Variants in ZNF711 observed in about 807,000 individuals in gnomAD.
ZNF711 encodes the protein ZFX family zinc finger ZNF711.
Under a neutral mutation model 43.5 loss-of-function variants are expected in ZNF711, and 3 were observed. The ratio of observed to expected loss-of-function variants is 0.07; its 90% CI spans 0.03 to 0.18. The LOEUF (loss-of-function observed/expected upper bound fraction) is 0.18, where lower values mean the gene tolerates loss of function less well. ZNF711 is among the 10% of genes least tolerant of loss of function. The probability of loss-of-function intolerance (pLI) is 1.00; values close to 1 mark genes in which losing one functional copy is unlikely to be tolerated. For synonymous variants in ZNF711, 209 were observed against 207.7 expected, an observed-to-expected ratio of 1.01 and a Z score of -0.06; for missense variants, 412 against 604.0, an observed-to-expected ratio of 0.68 and a Z score of 3.33.
intron 4 of ZNF711, among the ~76,000 whole-genome samples, chrX:85,250,743 T>A (rs759878323): frequency 8.9e-6 from 1 of 111,957 alleles, no homozygotes; most frequent in African/African-American, 3.2e-5. Flanking sequence ...CTCACTCATT[T>A]GTGCCTAGGG....
intron 6 of ZNF711, among the ~76,000 whole-genome samples, chrX:85,264,695 A>G (rs1319788749): frequency 9.0e-6 from 1 of 111,285 alleles, no homozygotes; most frequent in Non-Finnish European, 1.9e-5. Flanking sequence ...TTAAGAAACT[A>G]TAATGAGTGT....
rs1174277312 is a variant in ZNF711, at chrX:85,245,335, T to A, written c.-405-568T>A. Among the ~76,000 whole-genome samples, 3 of 112,420 alleles carry A rather than the reference T, an allele frequency of 2.7e-5. No individual in the cohort carries two copies. In the East Asian group the frequency reaches 8.4e-4, roughly 32 times the overall value. ...TACTTGGTGGGTTATCTCCATTCAA[T>A]AAGGATGTGAGATACACTTAGAGAA... On this transcript the variant is annotated intron_variant, in intron 1 of 10. Transcript: ENST00000674551.
At chrX:85,255,962 GAT>G (rs1569263169) in intron 5 of ZNF711, among the ~76,000 whole-genome samples, 161 bp downstream of exon 5, 1 of 111,606 alleles carries the variant, frequency 9.0e-6, no homozygotes, top group Non-Finnish European at 1.9e-5. Flanking sequence ...TGAGTTTACT[GAT>G]GTTTTTAATT....
In ZNF711 at chrX:85,270,090, T is replaced by C; in HGVS notation, c.1190T>C (p.Val397Ala). 8.3e-7 allele frequency: 1 copy of C among 1,210,121 alleles called. No individual in the cohort carries two copies. The highest frequency in any genetic ancestry group is 3.0e-5 in the East Asian group (1 of 33,734). Reference sequence around the variant, plus strand: ...TGTGACGGCATTAATACAAATAAAGTACTTAAACAAAAAGCCAAAAAGAGG... The same window carrying C: ...TGTGACGGCATTAATACAAATAAAGCACTTAAACAAAAAGCCAAAAAGAGG... ...QICDGINTNK[V>A]LKQKAKKRRR... Residue 397 changes from valine to alanine, a missense_variant, in exon 10 of 11, where the codon GTA (valine) becomes GCA (alanine). Val to Ala is a moderately conservative substitution (Grantham distance 64). Around this residue, in one of 4 missense-constraint regions of ZNF711, gnomAD observed 375 missense variants for 514.2 expected, o/e 0.73. Transcript: ENST00000674551.
chrX:85,269,154 A>C (rs1032880194), intron 9 of ZNF711, among the ~76,000 whole-genome samples: 4 of 111,332 alleles, frequency 3.6e-5, no homozygotes, highest in African/African-American at 1.3e-4. Context: ...TACTCTTTAT[A>C]TCAAGTACAC....
In ZNF711 at chrX:85,272,541, CAA is replaced by C. The variant is rs1931640173; in HGVS notation, c.*716_*717del. The C allele has an allele frequency of 9.0e-6, 1 of 111,657 alleles. No homozygotes were observed. The highest frequency in any genetic ancestry group is 3.3e-5 in the African/African-American group (1 of 30,749). The allele number at this position is 111,657 out of a possible 1,213,427, so 9.2% of individuals were successfully genotyped here. A position where few individuals can be genotyped will look rare whatever the true frequency, so the allele number is the denominator to read the frequency against. ...TTGTTGTTCAGTATGGCATATATGACAAAAGTATATTTGAGTCAAATGTGGCT... is the reference window on the plus strand; with the variant it reads ...TTGTTGTTCAGTATGGCATATATGACAAGTATATTTGAGTCAAATGTGGCT... On this transcript the variant is annotated 3_prime_UTR_variant, in exon 11 of 11. Coordinates refer to ENST00000674551, the MANE Select transcript of ZNF711 (RefSeq NM_001330574.2).
chrX:85,271,795 T>C lies in ZNF711; in HGVS notation c.2391T>C (p.His797=), dbSNP rs764046924. ...GFRRPSEKNQ[H]IMRHHKEALM is the part of the protein sequence containing the mutation. ...GAAGACCATCAGAAAAAAATCAGCATATTATGAGGCACCACAAAGAGGCTC... is the reference window on the plus strand; with the variant it reads ...GAAGACCATCAGAAAAAAATCAGCACATTATGAGGCACCACAAAGAGGCTC... Residue 797 remains histidine (H), a synonymous_variant, in exon 11 of 11, where the codon CAT becomes CAC. Coordinates refer to ENST00000674551, the MANE Select transcript of ZNF711 (RefSeq NM_001330574.2). 4.2e-5 allele frequency: 51 copies of C among 1,208,565 alleles called. No individual in the cohort carries two copies. The Admixed American group carries it at 1.1e-3, about 26-fold the overall frequency.
chrX:85,261,260 A>G (rs1602984871), intron 5 of ZNF711, among the ~76,000 whole-genome samples: 1 of 111,350 alleles, frequency 9.0e-6, no homozygotes, highest in East Asian at 2.9e-4. Context: ...GTATTATCAC[A>G]TTTTGTTTAT....
chrX:85,253,273 A>G (rs1487306661), intron 4 of ZNF711, among the ~76,000 whole-genome samples: 1 of 111,828 alleles, frequency 8.9e-6, no homozygotes, highest in East Asian at 2.8e-4. Flanking sequence ...TTCCCCCTAA[A>G]TCAGGTGTTG....
chrX:85,258,020 A>G (rs1317956310), intron 5 of ZNF711, among the ~76,000 whole-genome samples: 1 of 112,821 alleles, frequency 8.9e-6, no homozygotes, highest in African/African-American at 3.2e-5. Flanking sequence ...TGATCCAGCA[A>G]TCCCACTACT....
At chrX:85,265,483 C>T (rs978997137) in intron 7 of ZNF711, among the ~76,000 whole-genome samples, 2 of 110,815 alleles carry the variant, frequency 1.8e-5, no homozygotes, top group Non-Finnish European at 3.8e-5. Flanking sequence ...GTATACTATA[C>T]TAGAAATACA....
chrX:85,270,494 C>T (rs1931488609), intron 10 of ZNF711, among the ~76,000 whole-genome samples, 157 bp from the exon 11 acceptor site: 1 of 111,050 alleles, frequency 9.0e-6, no homozygotes, highest in African/African-American at 3.3e-5. Flanking sequence ...GCTACTTTGC[C>T]ATAAATTGCT....
intron 3 of ZNF711, 72 bp from the exon 4 acceptor site, chrX:85,247,475 G>A (rs1437483095): frequency 4.0e-5 from 29 of 717,423 alleles, no homozygotes; most frequent in Non-Finnish European, 6.1e-5. Flanking sequence ...ATTGTCAATT[G>A]CATTTTTTTC....
intron 5 of ZNF711, among the ~76,000 whole-genome samples, chrX:85,262,471 T>A (rs939702097): frequency 9.0e-6 from 1 of 110,953 alleles, no homozygotes; most frequent in Non-Finnish European, 1.9e-5. Context: ...TTTTATATTC[T>A]GTTTTTAATT....
intron 5 of ZNF711, among the ~76,000 whole-genome samples, chrX:85,260,923 A>G (rs764622340): frequency 2.7e-5 from 3 of 111,771 alleles, no homozygotes; most frequent in Non-Finnish European, 5.7e-5. Context: ...ATAACAGTCA[A>G]TTAACATGTT....
At chrX:85,266,663 T>G (rs765106163) in intron 7 of ZNF711, among the ~76,000 whole-genome samples, 208 of 106,632 alleles carry the variant, frequency 2.0e-3, no homozygotes, top group Non-Finnish European at 3.4e-3. Context: ...GGTTTAAATA[T>G]TTTTTTTTTC....
Position 85,259,311 on chromosome X carries a change from T to C in ZNF711, c.622+3510T>C, listed in dbSNP as rs190534091. On this transcript the variant is annotated intron_variant, in intron 5 of 10. Transcript: ENST00000674551. Reference sequence around the variant, plus strand: ...TGCTGTTTATGTTACTGTAGCCTTGTAGTGTAGTTTCAAGTTGGATAATTG... The same window carrying C: ...TGCTGTTTATGTTACTGTAGCCTTGCAGTGTAGTTTCAAGTTGGATAATTG... Among the ~76,000 whole-genome samples, 40 of 111,743 alleles carry C rather than the reference T, an allele frequency of 3.6e-4. No homozygotes were observed. In the East Asian group the frequency reaches 8.2e-3, roughly 23 times the overall value.
chrX:85,254,179 A>T (rs1470715448), intron 4 of ZNF711, among the ~76,000 whole-genome samples: 1 of 111,186 alleles, frequency 9.0e-6, no homozygotes, highest in Non-Finnish European at 1.9e-5. Context: ...AATGCCCGAG[A>T]TTGCAATGGT....
intron 4 of ZNF711, among the ~76,000 whole-genome samples, chrX:85,248,908 C>G (rs1432937941): frequency 8.9e-6 from 1 of 111,889 alleles, no homozygotes; most frequent in Non-Finnish European, 1.9e-5. Context: ...AAGCCGTATT[C>G]TAGTCATGGC....
Sources: allele counts gnomAD v4.1 joint callset (sites outside exome capture counted in the v4.1 genomes callset), GRCh38; gene constraint gnomAD v4.1.1; regional missense constraint gnomAD v4.1.1; transcripts MANE v1.5; gene names NCBI Gene and HGNC (gene_info 2026-07-23, HGNC 2026-07-21).